Variants in ELMO1 observed in about 807,000 individuals in gnomAD.
The protein encoded by ELMO1 is engulfment and cell motility 1.
In ELMO1, 26 loss-of-function variants were observed where a neutral mutation model predicts 98.9. The observed-to-expected ratio is 0.26, with a 90% confidence interval of 0.19 to 0.36. The LOEUF (loss-of-function observed/expected upper bound fraction) is 0.36, where lower values mean the gene tolerates loss of function less well. Among genes scored for constraint, ELMO1 ranks in the 10% least tolerant of loss-of-function variants. ELMO1 has a pLI of 1.00. For synonymous variants in ELMO1, 346 were observed against 346.0 expected, an observed-to-expected ratio of 1.00 and a Z score of 0.00; for missense variants, 627 against 935.2, an observed-to-expected ratio of 0.67 and a Z score of 4.30.
intron 5 of ELMO1, among the ~76,000 whole-genome samples, chr7:37,265,793 G>A (rs1796209503): frequency 6.6e-6 from 1 of 152,044 alleles, no homozygotes; most frequent in African/African-American, 2.4e-5. Flanking sequence ...TTTCCCCATG[G>A]TGACCTCTTC....
intron 5 of ELMO1, among the ~76,000 whole-genome samples, chr7:37,267,038 TACACACAC>T (rs60344761): frequency 0.2 from 19,956 of 100,300 alleles, 3,517 homozygotes; most frequent in Middle Eastern, 0.29. Flanking sequence ...TATGTATATA[TACACACAC>T]ACACACACAC....
intron 20 of ELMO1, among the ~76,000 whole-genome samples, chr7:36,869,154 T>G (rs3807163): frequency 2.0e-5 from 3 of 152,138 alleles, no homozygotes; most frequent in Admixed American, 6.5e-5. Context: ...GTGTAACAGA[T>G]AGACCACAGA....
chr7:36,961,441 G>C (rs574527897), intron 16 of ELMO1, among the ~76,000 whole-genome samples: 3 of 152,282 alleles, frequency 2.0e-5, no homozygotes, highest in South Asian at 4.1e-4. Flanking sequence ...AATATTAGTA[G>C]CCATACTAGG....
chr7:37,056,114 T>C (rs1364062466), intron 15 of ELMO1, among the ~76,000 whole-genome samples: 2 of 152,216 alleles, frequency 1.3e-5, no homozygotes, highest in Non-Finnish European at 2.9e-5. Context: ...AAGATTTTAG[T>C]TCTAGTAAAA....
chr7:37,444,929 T>C (rs980185216), intron 1 of ELMO1, among the ~76,000 whole-genome samples: 3 of 152,232 alleles, frequency 2.0e-5, no homozygotes, highest in Non-Finnish European at 2.9e-5. Flanking sequence ...TAAAAGGAGA[T>C]AGCTAAGTAT....
chr7:37,364,555 CATGCTTTA>C (rs1419806931), intron 1 of ELMO1, among the ~76,000 whole-genome samples: 3 of 150,936 alleles, frequency 2.0e-5, no homozygotes, highest in South Asian at 2.1e-4. Context: ...TTCTAGAAGG[CATGCTTTA>C]ATGCTTTAAT....
chr7:36,992,266 G>A (rs537867455), intron 16 of ELMO1, among the ~76,000 whole-genome samples: 1 of 152,286 alleles, frequency 6.6e-6, no homozygotes, highest in Admixed American at 6.5e-5. Flanking sequence ...GCATTCACAG[G>A]ACTGGAGAGT....
chr7:37,417,660 TCACACACACACA>T (rs34297401), intron 1 of ELMO1, among the ~76,000 whole-genome samples: 1 of 109,628 alleles, frequency 9.1e-6, no homozygotes, highest in East Asian at 2.7e-4. Flanking sequence ...TAAGACTCCG[TCACACACACACA>T]CACACACACA....
chr7:37,076,804 C>G (rs1797605411), intron 15 of ELMO1, among the ~76,000 whole-genome samples: 1 of 152,220 alleles, frequency 6.6e-6, no homozygotes, highest in Non-Finnish European at 1.5e-5. Flanking sequence ...CCACAGACAG[C>G]CCCCACTTCT....
chr7:36,909,130 T>C (rs1410661692), intron 16 of ELMO1, among the ~76,000 whole-genome samples: 1 of 152,232 alleles, frequency 6.6e-6, no homozygotes, highest in African/African-American at 2.4e-5. Context: ...GAGAGTTGAA[T>C]GAAAGATGTT....
chr7:37,067,382 T>A (rs912277444), intron 15 of ELMO1, among the ~76,000 whole-genome samples: 7 of 152,226 alleles, frequency 4.6e-5, no homozygotes, highest in Non-Finnish European at 1.0e-4. Flanking sequence ...GGTACAGCGA[T>A]GAACAAAATA....
At chr7:37,053,526 C>T (rs1454796018) in intron 15 of ELMO1, among the ~76,000 whole-genome samples, 1 of 152,182 alleles carries the variant, frequency 6.6e-6, no homozygotes, top group Non-Finnish European at 1.5e-5. Context: ...ATTTCATCGA[C>T]TGTTGCTTCC....
chr7:36,996,140 C>A (rs1483160361), intron 16 of ELMO1, among the ~76,000 whole-genome samples: 1 of 152,254 alleles, frequency 6.6e-6, no homozygotes, highest in Non-Finnish European at 1.5e-5. Flanking sequence ...AAAAATATTC[C>A]CTTTCCTTTT....
At chr7:37,355,607 G>A (rs1265999003) in intron 1 of ELMO1, among the ~76,000 whole-genome samples, 1 of 152,254 alleles carries the variant, frequency 6.6e-6, no homozygotes, top group Admixed American at 6.5e-5. Context: ...GGGAAAGTTA[G>A]GGTAAGATTC....
chr7:37,412,000 C>T (rs752657549), intron 1 of ELMO1, among the ~76,000 whole-genome samples: 8 of 152,066 alleles, frequency 5.3e-5, no homozygotes, highest in Admixed American at 1.3e-4. Flanking sequence ...CCCTTCCTCA[C>T]GCTCAACTAC....
rs73340265 is a variant in ELMO1 at position 36,956,056 on chromosome 7, T to G, written c.1437+57243A>C. 2.7e-3 allele frequency among the ~76,000 whole-genome samples: 410 copies of G among 152,310 alleles called. 2 individuals carry two copies. Among genetic ancestry groups the G allele is most frequent in the African/African-American group, 9.2e-3 (381 of 41,546 alleles). ...TCTAGGTCTTAACACAGTGTCGTGA[T>G]GCAAAGTAGGTGTCCACCTCAAATT... is the stretch of plus-strand genomic sequence containing the variant. On this transcript the variant is annotated intron_variant, in intron 16 of 21. Transcript: ENST00000310758.
chr7:37,174,954 C>T (rs1291395392), intron 13 of ELMO1, among the ~76,000 whole-genome samples: 5 of 151,940 alleles, frequency 3.3e-5, no homozygotes, highest in African/African-American at 1.2e-4. Flanking sequence ...TAGCACACTC[C>T]AAATTTAAAG....
Position 37,213,337 on chromosome 7 carries a change from G to T in ELMO1, c.952C>A (p.Gln318Lys), listed in dbSNP as rs1323188549. The T allele has an allele frequency of 3.1e-6, 5 of 1,612,830 alleles. No homozygotes were observed. The highest frequency in any genetic ancestry group is 4.2e-6 in the Non-Finnish European group (5 of 1,179,628). The change falls in exon 12 of 22, where the codon CAG (glutamine) becomes AAG (lysine). Residue 318 changes from glutamine to lysine, a missense_variant and splice_region_variant. Coordinates refer to ENST00000310758, the MANE Select transcript of ELMO1 (RefSeq NM_014800.11). ...RMMTKMDPQD[Q>K]AQRDIIFELR... Reference sequence around the variant, plus strand: ...ACTGCTGTCCAATGAGCACTCACCTGGTCCTGGGGGTCCATTTTGGTCATC... The same window carrying T: ...ACTGCTGTCCAATGAGCACTCACCTTGTCCTGGGGGTCCATTTTGGTCATC...
At chr7:37,351,100 A>G (rs1419465426) in intron 1 of ELMO1, 1 of 152,252 alleles carries the variant, frequency 6.6e-6, no homozygotes, top group Admixed American at 6.5e-5. Flanking sequence ...AGCAAGCTTA[A>G]AAACTTCTGA....
Sources: allele counts gnomAD v4.1 joint callset (sites outside exome capture counted in the v4.1 genomes callset), GRCh38; gene constraint gnomAD v4.1.1; transcripts MANE v1.5; gene names NCBI Gene and HGNC (gene_info 2026-07-23, HGNC 2026-07-21).